Variants in CAMTA1 observed in about 807,000 individuals in gnomAD.
CAMTA1 encodes calmodulin-binding transcription activator 1.
CAMTA1 carries 27 observed loss-of-function variants against 170.9 expected under a neutral mutation model. The observed-to-expected ratio is 0.16, with a 90% CI of 0.12 to 0.22. The LOEUF (loss-of-function observed/expected upper bound fraction) is 0.22, where lower values mean the gene tolerates loss of function less well. Ranked by LOEUF, CAMTA1 falls within the 10% of genes least tolerant of loss-of-function variation. CAMTA1 has a pLI of 1.00. For synonymous variants in CAMTA1, 833 were observed against 891.5 expected (o/e 0.93, Z 1.17); for missense variants, 1,619 against 2,217.2 (o/e 0.73, Z 5.42).
At chr1:6,807,886 A>G (rs1478583365) in intron 1 of CAMTA1, among the ~76,000 whole-genome samples, 1 of 152,054 alleles carries the variant, frequency 6.6e-6, no homozygotes, top group African/African-American at 2.4e-5. Flanking sequence ...CAGAGTCTGT[A>G]GTGACAGAAG....
intron 4 of CAMTA1, among the ~76,000 whole-genome samples, chr1:7,149,805 C>T (rs1315428233): frequency 1.3e-5 from 2 of 152,188 alleles, no homozygotes; most frequent in Non-Finnish European, 1.5e-5. Flanking sequence ...CGACGGTGCC[C>T]AGGGTAAGGG....
Position 7,146,301 on chromosome 1 carries a change from A to G in CAMTA1, c.302+54930A>G, listed in dbSNP as rs924592346. 6.6e-6 allele frequency among the ~76,000 whole-genome samples: 1 copy of G among 152,178 alleles called. No homozygotes were observed. The highest frequency in any genetic ancestry group is 2.1e-4 in the South Asian group (1 of 4,832). On this transcript the variant is annotated intron_variant, in intron 4 of 22. Coordinates refer to ENST00000303635, the MANE Select transcript of CAMTA1 (RefSeq NM_015215.4). The surrounding 1 kb of genome is among the most constrained non-coding windows in gnomAD (Gnocchi z 4.3). ...TCTCCCTCTTGGCTTATGTAGATCA[A>G]CCAGAGCCTTGGGATATGAGAAGTT...
chr1:7,723,720 A>G (rs2096664210), intron 11 of CAMTA1, among the ~76,000 whole-genome samples: 1 of 152,124 alleles, frequency 6.6e-6, no homozygotes, highest in Admixed American at 6.5e-5. Context: ...TACTCTTCCT[A>G]AAAACCCAGA....
intron 5 of CAMTA1, among the ~76,000 whole-genome samples, chr1:7,355,232 AAATT>A (rs1282066600): frequency 6.6e-6 from 1 of 151,554 alleles, no homozygotes; most frequent in East Asian, 1.9e-4. Flanking sequence ...AAGAAAGAAA[AAATT>A]AGCCAGGCAT....
chr1:7,735,555 T>C (rs1199321705), intron 12 of CAMTA1, among the ~76,000 whole-genome samples: 1 of 152,188 alleles, frequency 6.6e-6, no homozygotes, highest in African/African-American at 2.4e-5. Flanking sequence ...CACAACAGTT[T>C]ACTGCCTACA....
intron 3 of CAMTA1, among the ~76,000 whole-genome samples, chr1:6,825,471 TTGC>T (rs1176068300): frequency 6.6e-6 from 1 of 152,226 alleles, no homozygotes; most frequent in Non-Finnish European, 1.5e-5. Flanking sequence ...CTGTGTTTTC[TTGC>T]ATTTTAGTGT....
At chr1:7,376,090 G>A (rs954494786) in intron 5 of CAMTA1, among the ~76,000 whole-genome samples, 3 of 152,190 alleles carry the variant, frequency 2.0e-5, no homozygotes, top group African/African-American at 7.2e-5. Context: ...AATATTTCAA[G>A]GTCACCTAAG....
chr1:7,436,833 G>C (rs1300564526), intron 5 of CAMTA1, among the ~76,000 whole-genome samples: 1 of 152,216 alleles, frequency 6.6e-6, no homozygotes, highest in Non-Finnish European at 1.5e-5. Context: ...TGCAGGCTGT[G>C]GCTGGGAGCT....
chr1:7,707,404 T>A (rs7534398), intron 11 of CAMTA1, among the ~76,000 whole-genome samples: 23,481 of 151,030 alleles, frequency 0.16, 2,161 homozygotes, highest in South Asian at 0.28. Context: ...TGAAACAGGT[T>A]TCACTCTGTC....
intron 22 of CAMTA1, among the ~76,000 whole-genome samples, chr1:7,756,995 A>G (rs927475903): frequency 6.6e-6 from 1 of 152,198 alleles, no homozygotes; most frequent in African/African-American, 2.4e-5. Flanking sequence ...TAACATGGGA[A>G]TTTTCTCTAT....
chr1:6,836,205 A>T (rs1653028277), intron 3 of CAMTA1, among the ~76,000 whole-genome samples: 1 of 152,242 alleles, frequency 6.6e-6, no homozygotes, highest in African/African-American at 2.4e-5. Context: ...CTCCTAAAAA[A>T]TAACCTAAGT....
rs570622816 is a variant in CAMTA1 at position 7,650,173 on chromosome 1, C to T, written c.664+9620C>T. ...GGGGCAGATAACCCTGAGGCTCTGA[C>T]GCTGCCAGGCGGCCGGCACTCCTAG... On this transcript the variant is annotated intron_variant, in intron 7 of 22. Transcript: ENST00000303635. Among the ~76,000 whole-genome samples the T allele has an allele frequency of 6.8e-4, 104 of 152,318 alleles. 2 individuals are homozygous for T. In the South Asian group the frequency reaches 0.02, roughly 30 times the overall value.
intron 6 of CAMTA1, among the ~76,000 whole-genome samples, chr1:7,600,366 A>G (rs2095430647): frequency 6.6e-6 from 1 of 152,120 alleles, no homozygotes; most frequent in Non-Finnish European, 1.5e-5. Flanking sequence ...GGATTTTTGC[A>G]TCGAGGTTCA....
chr1:7,265,682 A>T (rs114266649), intron 5 of CAMTA1, among the ~76,000 whole-genome samples: 2 of 152,208 alleles, frequency 1.3e-5, no homozygotes, highest in African/African-American at 4.8e-5. Flanking sequence ...TAGATAAAAT[A>T]TATTATTAAA....
chr1:7,620,471 G>A (rs1487844705), intron 6 of CAMTA1, among the ~76,000 whole-genome samples: 1 of 152,216 alleles, frequency 6.6e-6, no homozygotes, highest in Non-Finnish European at 1.5e-5. Context: ...GGAAGCTGGA[G>A]AACACAGAAC....
chr1:7,320,603 A>G (rs1331031301), intron 5 of CAMTA1, among the ~76,000 whole-genome samples: 7 of 149,930 alleles, frequency 4.7e-5, no homozygotes, highest in Admixed American at 4.6e-4. Flanking sequence ...TTAGATCCTT[A>G]AGGGTGGCTG....
chr1:7,150,028 A>G, intron 4 of CAMTA1, among the ~76,000 whole-genome samples: 1 of 152,118 alleles, frequency 6.6e-6, no homozygotes, highest in Non-Finnish European at 1.5e-5. Context: ...AGCCTCGGAG[A>G]CGTTCAACTC....
At chr1:7,149,097 G>A (rs1047177190) in intron 4 of CAMTA1, among the ~76,000 whole-genome samples, 4 of 152,186 alleles carry the variant, frequency 2.6e-5, no homozygotes, top group Admixed American at 2.6e-4. Context: ...TTGGGGTGTC[G>A]GGGCGTAGGG....
At chr1:7,506,901 CTT>C (rs2094123585) in intron 6 of CAMTA1, among the ~76,000 whole-genome samples, 1 of 152,136 alleles carries the variant, frequency 6.6e-6, no homozygotes, top group Non-Finnish European at 1.5e-5. Context: ...CACACTATCT[CTT>C]GCTCACACTC....
Sources: allele counts gnomAD v4.1 joint callset (sites outside exome capture counted in the v4.1 genomes callset), GRCh38; gene constraint gnomAD v4.1.1; non-coding constraint Gnocchi (gnomAD v3.1); transcripts MANE v1.5; gene names NCBI Gene and HGNC (gene_info 2026-07-23, HGNC 2026-07-21).